DAB1: variants seen among roughly 807,000 people sequenced by gnomAD.
The protein encoded by DAB1 is DAB adaptor protein 1.
A neutral mutation model predicts 64.6 loss-of-function variants in DAB1; 15 were observed. The observed-to-expected ratio is 0.23, with a 90% confidence interval of 0.16 to 0.36. The LOEUF is 0.36. DAB1 is among the 10% of genes least tolerant of loss of function. DAB1 has a pLI of 1.00. For missense variants in DAB1, 596 were observed against 706.7 expected (o/e 0.84, Z 1.78); for synonymous variants, 235 against 251.9 (o/e 0.93, Z 0.64).
intron 2 of DAB1, among the ~76,000 whole-genome samples, chr1:57,273,267 C>G (rs893747605): frequency 6.6e-6 from 1 of 152,142 alleles, no homozygotes; most frequent in Non-Finnish European, 1.5e-5. Flanking sequence ...CGCCAACCTC[C>G]CCTAACAGGG....
intron 2 of DAB1, among the ~76,000 whole-genome samples, chr1:57,274,481 G>T (rs184499442): frequency 6.6e-6 from 1 of 152,136 alleles, no homozygotes; most frequent in Non-Finnish European, 1.5e-5. Flanking sequence ...CATAGTAAGC[G>T]CTCAATAAAT....
intron 5 of DAB1, among the ~76,000 whole-genome samples, chr1:57,975,078 G>A (rs1485636900): frequency 2.6e-5 from 4 of 152,072 alleles, no homozygotes; most frequent in African/African-American, 4.8e-5. Flanking sequence ...TGGGACCTTC[G>A]GGAGATTAAG....
At chr1:58,034,052 C>A (rs1024949699) in intron 5 of DAB1, among the ~76,000 whole-genome samples, 1 of 152,184 alleles carries the variant, frequency 6.6e-6, no homozygotes, top group Non-Finnish European at 1.5e-5. Flanking sequence ...TAGTGACTTG[C>A]TTCTAACAAA....
At chr1:57,034,458 T>C (rs1647071117) in intron 9 of DAB1, among the ~76,000 whole-genome samples, 1 of 152,130 alleles carries the variant, frequency 6.6e-6, no homozygotes, top group Non-Finnish European at 1.5e-5. Flanking sequence ...ACCATGAACT[T>C]TCTCAAGCAG....
chr1:57,205,158 C>T (rs1275924328), intron 2 of DAB1, among the ~76,000 whole-genome samples: 2 of 152,208 alleles, frequency 1.3e-5, no homozygotes, highest in Non-Finnish European at 2.9e-5. Flanking sequence ...GGAGGCCCAT[C>T]TGTACCCAAC....
At chr1:57,477,174 A>G (rs1436352303) in intron 7 of DAB1, among the ~76,000 whole-genome samples, 1 of 152,222 alleles carries the variant, frequency 6.6e-6, no homozygotes, top group African/African-American at 2.4e-5. Flanking sequence ...GGTGGCATGA[A>G]CAACATGCAA....
At chr1:57,493,476 T>C (rs1013960366) in intron 7 of DAB1, among the ~76,000 whole-genome samples, 15 of 152,200 alleles carry the variant, frequency 9.9e-5, no homozygotes, top group African/African-American at 3.1e-4. Context: ...TTATTTTCCT[T>C]TTAAAGGCAG....
chr1:57,090,343 G>A (rs1468499910), intron 4 of DAB1, among the ~76,000 whole-genome samples: 1 of 152,070 alleles, frequency 6.6e-6, no homozygotes, highest in African/African-American at 2.4e-5. Context: ...GAAAATCCAG[G>A]GTATCTAGTC....
At chr1:57,978,996 A>T (rs1027991950) in intron 5 of DAB1, among the ~76,000 whole-genome samples, 1 of 152,218 alleles carries the variant, frequency 6.6e-6, no homozygotes, top group Non-Finnish European at 1.5e-5. Flanking sequence ...ATTGTGGAAG[A>T]CAGTGTGGTG....
chr1:57,798,449 A>G lies in DAB1; in HGVS notation n.551+85550T>C, dbSNP rs182618046. 1.6e-3 allele frequency among the ~76,000 whole-genome samples: 247 copies of G among 152,276 alleles called. 3 individuals are homozygous for G. The Middle Eastern group carries it at 0.027, about 17-fold the overall frequency. ...CTTCTATGCTTGCTGTGCCACTAAGATCTTCTCAGAAGTCTCAAGGTCCAG... is the reference window on the plus strand; with the variant it reads ...CTTCTATGCTTGCTGTGCCACTAAGGTCTTCTCAGAAGTCTCAAGGTCCAG... On this transcript the variant is annotated intron_variant and non_coding_transcript_variant, in intron 6 of 20. Coordinates refer to the DAB1 transcript ENST00000485760.
At chr1:57,337,563 T>A (rs1233466716) in intron 1 of DAB1, among the ~76,000 whole-genome samples, 1 of 152,164 alleles carries the variant, frequency 6.6e-6, no homozygotes, top group African/African-American at 2.4e-5. Context: ...TCTCCTATGT[T>A]TTTTTTCCTG....
intron 4 of DAB1, among the ~76,000 whole-genome samples, chr1:58,226,283 T>C (rs941664565): frequency 4.6e-5 from 7 of 152,134 alleles, no homozygotes; most frequent in African/African-American, 1.4e-4. Context: ...ACAACAGATA[T>C]GTAATATCCT....
intron 6 of DAB1, among the ~76,000 whole-genome samples, chr1:57,756,822 A>G (rs768397127): frequency 6.6e-6 from 1 of 150,378 alleles, no homozygotes; most frequent in Non-Finnish European, 1.5e-5. Flanking sequence ...ATAGGGTCCA[A>G]ACCCTGTAAT....
intron 5 of DAB1, among the ~76,000 whole-genome samples, chr1:58,033,203 G>C (rs1646995265): frequency 6.6e-6 from 1 of 152,180 alleles, no homozygotes; most frequent in African/African-American, 2.4e-5. Context: ...AGTGAGATCA[G>C]AGTATTTATT....
At chr1:57,327,903 A>G (rs554857445) in intron 1 of DAB1, among the ~76,000 whole-genome samples, 2 of 152,310 alleles carry the variant, frequency 1.3e-5, no homozygotes, top group South Asian at 4.1e-4. Flanking sequence ...CCTGAAATTC[A>G]GGTCTCAGAT....
At chr1:57,315,961 T>C (rs1364722155) in intron 1 of DAB1, among the ~76,000 whole-genome samples, 2 of 152,198 alleles carry the variant, frequency 1.3e-5, no homozygotes, top group African/African-American at 2.4e-5. Flanking sequence ...CAAGGAACTT[T>C]TTCTGGGGTA....
At chr1:58,284,264 C>G (rs1323121625) in intron 4 of DAB1, among the ~76,000 whole-genome samples, 1 of 152,198 alleles carries the variant, frequency 6.6e-6, no homozygotes, top group East Asian at 1.9e-4. Context: ...GGCTTCTTTC[C>G]TTTCTCTCCT....
intron 1 of DAB1, among the ~76,000 whole-genome samples, chr1:57,304,085 T>C (rs1673923880): frequency 6.6e-6 from 1 of 152,176 alleles, no homozygotes; most frequent in Non-Finnish European, 1.5e-5. Flanking sequence ...CGGTAATTTA[T>C]AAGAAAAGAG....
intron 1 of DAB1, among the ~76,000 whole-genome samples, chr1:57,331,674 T>A (rs1405129847): frequency 1.3e-5 from 2 of 152,228 alleles, no homozygotes; most frequent in East Asian, 1.9e-4. Flanking sequence ...AAGATACAGA[T>A]GAACATTCCT....
Sources: allele counts gnomAD v4.1 joint callset (sites outside exome capture counted in the v4.1 genomes callset), GRCh38; gene constraint gnomAD v4.1.1; transcripts MANE v1.5; gene names NCBI Gene and HGNC (gene_info 2026-07-23, HGNC 2026-07-21).